The following EYS variants were observed in gnomAD, a reference collection of about 807,000 sequenced individuals.
The protein encoded by EYS is protein eyes shut homolog.
In EYS, 250 loss-of-function variants were observed where a neutral mutation model predicts 282.1. The ratio of observed to expected loss-of-function variants is 0.89; its 90% CI spans 0.80 to 0.98. The LOEUF (loss-of-function observed/expected upper bound fraction) is 0.98, where lower values mean the gene tolerates loss of function less well. EYS is among the 50% of genes least tolerant of loss of function. The probability of loss-of-function intolerance (pLI) is 0.00; values close to 1 mark genes in which losing one functional copy is unlikely to be tolerated. For synonymous variants in EYS, 1,355 were observed against 1,282.9 expected, an observed-to-expected ratio of 1.06 and a Z score of -1.20; for missense variants, 4,016 against 3,709.0, an observed-to-expected ratio of 1.08 and a Z score of -2.15.
chr6:64,439,588 C>A (rs776475895), intron 26 of EYS, among the ~76,000 whole-genome samples: 1 of 151,724 alleles, frequency 6.6e-6, no homozygotes, highest in Non-Finnish European at 1.5e-5. Flanking sequence ...AAGATGATTA[C>A]TCTTCAACAC....
At chr6:63,898,129 A>T (rs921365226) in intron 35 of EYS, among the ~76,000 whole-genome samples, 1 of 152,208 alleles carries the variant, frequency 6.6e-6, no homozygotes, top group South Asian at 2.1e-4. Context: ...CTTGTCCCTA[A>T]TAACGATTTC....
rs192180593 is a variant in EYS at position 64,551,326 on chromosome 6, A to G, written c.5644+38897T>C. Among the ~76,000 whole-genome samples, 4 of 151,936 alleles carry G rather than the reference A, an allele frequency of 2.6e-5. No homozygotes were observed. In the East Asian group the frequency reaches 5.8e-4, roughly 22 times the overall value. On this transcript the variant is annotated intron_variant, in intron 26 of 42. Coordinates refer to ENST00000503581, the MANE Select transcript of EYS (RefSeq NM_001142800.2). The stretch of plus-strand genomic sequence containing the variant: ...CCTTTTTAAATGTCAGAGGAATCCA[A>G]CAACCAATTGTACAAGTGAGGGGCA...
intron 2 of EYS, among the ~76,000 whole-genome samples, chr6:65,503,178 A>G (rs972016447): frequency 6.6e-6 from 1 of 151,748 alleles, no homozygotes; most frequent in Non-Finnish European, 1.5e-5. Flanking sequence ...ATAGGTATTT[A>G]CTGGTATCTC....
At chr6:65,016,465 A>G (rs1383376088) in intron 13 of EYS, among the ~76,000 whole-genome samples, 1 of 138,780 alleles carries the variant, frequency 7.2e-6, no homozygotes, top group Non-Finnish European at 1.5e-5. Context: ...AGATAAACTT[A>G]AAATCTGCTG....
chr6:64,219,739 T>C (rs1766037707), intron 31 of EYS, among the ~76,000 whole-genome samples: 2 of 152,230 alleles, frequency 1.3e-5, no homozygotes, highest in African/African-American at 4.8e-5. Flanking sequence ...CATGTATGTT[T>C]ACTGTGCCAC....
At chr6:64,349,322 AT>A (rs1476045342) in intron 29 of EYS, among the ~76,000 whole-genome samples, 4 of 151,216 alleles carry the variant, frequency 2.6e-5, no homozygotes, top group Non-Finnish European at 5.9e-5. Context: ...TTTTAGAGAT[AT>A]AAGCTCTGAG....
chr6:64,897,932 G>A (rs756029407), intron 18 of EYS, among the ~76,000 whole-genome samples: 2 of 152,156 alleles, frequency 1.3e-5, no homozygotes, highest in African/African-American at 4.8e-5. Flanking sequence ...AACAAACAAA[G>A]TCTCCAAGAA....
At chr6:64,518,779 G>GC (rs10626520) in intron 26 of EYS, among the ~76,000 whole-genome samples, 2,559 of 146,876 alleles carry the variant, frequency 0.017, 64 homozygotes, top group African/African-American at 0.057. Flanking sequence ...GTTTATAAGG[G>GC]GCCCCCCCCT....
chr6:64,670,248 T>G (rs1769401888), intron 22 of EYS, among the ~76,000 whole-genome samples: 1 of 152,016 alleles, frequency 6.6e-6, no homozygotes, highest in Admixed American at 6.6e-5. Context: ...CTTCTCGCCC[T>G]CATTTTTAAA....
intron 31 of EYS, among the ~76,000 whole-genome samples, chr6:64,167,841 A>G (rs917013786): frequency 1.3e-5 from 2 of 152,242 alleles, no homozygotes; most frequent in African/African-American, 4.8e-5. Context: ...TTGACTAGAC[A>G]TTACAACAAA....
At chr6:65,490,286 A>AT in intron 5 of EYS, 2 of 208,112 alleles carry the variant, frequency 9.6e-6, no homozygotes, top group Non-Finnish European at 1.9e-5. Context: ...TGTCAAATAA[A>AT]CACATGAACA....
chr6:65,199,271 T>G (rs78117493), intron 12 of EYS, among the ~76,000 whole-genome samples: 1 of 152,094 alleles, frequency 6.6e-6, no homozygotes, highest in African/African-American at 2.4e-5. Context: ...TTTACTTGAG[T>G]GGGCTTCCAC....
chr6:65,395,226 G>A (rs1766237003), intron 7 of EYS, among the ~76,000 whole-genome samples: 1 of 152,116 alleles, frequency 6.6e-6, no homozygotes, highest in Non-Finnish European at 1.5e-5. Context: ...ACCATGCCCG[G>A]CTAATTTTGT....
At chr6:65,377,908 A>T (rs1007759946) in intron 8 of EYS, among the ~76,000 whole-genome samples, 2 of 152,200 alleles carry the variant, frequency 1.3e-5, no homozygotes, top group African/African-American at 4.8e-5. Context: ...TGAGGCATTA[A>T]TTAATACCCT....
chr6:64,075,267 G>C (rs893314262), intron 32 of EYS, among the ~76,000 whole-genome samples: 1 of 151,908 alleles, frequency 6.6e-6, no homozygotes, highest in Non-Finnish European at 1.5e-5. Context: ...CCAGTGTTAG[G>C]GTAAGCTAGT....
intron 29 of EYS, among the ~76,000 whole-genome samples, chr6:64,380,102 T>A (rs190260013): frequency 6.2e-4 from 70 of 113,048 alleles, no homozygotes; most frequent in African/African-American, 2.2e-3. Context: ...ATTTGCTGAT[T>A]TGCAACTTCA....
At chr6:64,408,613 C>T (rs1375284215) in intron 28 of EYS, among the ~76,000 whole-genome samples, 2 of 152,134 alleles carry the variant, frequency 1.3e-5, no homozygotes, top group African/African-American at 4.8e-5. Context: ...CCCTGCATAA[C>T]ATGTATTTCT....
intron 31 of EYS, among the ~76,000 whole-genome samples, chr6:64,127,093 G>A (rs1773811719): frequency 1.3e-5 from 2 of 152,094 alleles, no homozygotes; most frequent in Admixed American, 1.3e-4. Flanking sequence ...TATTTAATCT[G>A]TCTTTCACTA....
At chr6:65,256,225 G>T (rs1767457223) in intron 12 of EYS, among the ~76,000 whole-genome samples, 1 of 149,128 alleles carries the variant, frequency 6.7e-6, no homozygotes, top group Middle Eastern at 3.5e-3. Context: ...AGGTCATAAT[G>T]TTAAATGAAA....
Sources: gnomAD v4.1 joint callset for allele counts (sites outside exome capture counted in the v4.1 genomes callset) on GRCh38, gnomAD v4.1.1 for gene constraint, MANE v1.5 for transcripts, NCBI Gene and HGNC (gene_info 2026-07-23, HGNC 2026-07-21) for gene names.